SGPP2: variants seen among roughly 807,000 people sequenced by gnomAD.
SGPP2 encodes the protein sphingosine-1-phosphate phosphatase 2, also known as sphingosine 1-phosphate phosphohydrolase 2.
SGPP2 carries 30 observed loss-of-function variants against 33.9 expected under a neutral mutation model. The ratio of observed to expected loss-of-function variants is 0.89; its 90% CI spans 0.66 to 1.20. The LOEUF (loss-of-function observed/expected upper bound fraction) is 1.20. Among genes scored for constraint, SGPP2 ranks in the 50% most tolerant of loss-of-function variants. SGPP2 has a pLI of 0.00. For synonymous variants in SGPP2, 233 were observed against 225.0 expected (o/e 1.04, Z -0.32); for missense variants, 458 against 532.1 (o/e 0.86, Z 1.37).
chr2:222,429,029 T>C (rs1021952161), intron 1 of SGPP2, among the ~76,000 whole-genome samples: 18 of 151,936 alleles, frequency 1.2e-4, no homozygotes, highest in African/African-American at 4.4e-4. Context: ...TGACCTTAGG[T>C]GATGTGCCTG....
At chr2:222,516,442 G>A (rs933936564) in intron 2 of SGPP2, among the ~76,000 whole-genome samples, 1 of 152,140 alleles carries the variant, frequency 6.6e-6, no homozygotes, top group African/African-American at 2.4e-5. Flanking sequence ...AAATTGGGTT[G>A]TTTCCAGTTT....
chr2:222,446,219 G>A lies in SGPP2; in HGVS notation c.219+21398G>A, dbSNP rs557948396. Among the ~76,000 whole-genome samples the A allele has an allele frequency of 8.9e-4, 136 of 152,290 alleles. 1 individual carries two copies. Among genetic ancestry groups the A allele is most frequent in the Non-Finnish European group, 1.5e-3 (104 of 68,028 alleles). The stretch of plus-strand genomic sequence containing the variant: ...TATAGGTAGAAATAATGAGAGATAA[G>A]AGGTGGAGGAGTCATTGGAAGGTGG... On this transcript the variant is annotated intron_variant, in intron 1 of 4. Transcript: ENST00000321276.
intron 1 of SGPP2, among the ~76,000 whole-genome samples, chr2:222,453,370 T>C (rs1174778251): frequency 6.6e-6 from 1 of 152,176 alleles, no homozygotes; most frequent in African/African-American, 2.4e-5. Flanking sequence ...GTTAAGACTT[T>C]TCTGGAAGAT....
intron 1 of SGPP2, among the ~76,000 whole-genome samples, chr2:222,461,051 C>T (rs935866491): frequency 1.6e-4 from 24 of 152,188 alleles, no homozygotes; most frequent in South Asian, 6.2e-4. Flanking sequence ...CCACCACATT[C>T]GGCTGTTTTT....
intron 3 of SGPP2, among the ~76,000 whole-genome samples, chr2:222,524,538 A>T (rs1189394034): frequency 2.6e-5 from 4 of 152,232 alleles, no homozygotes; most frequent in Non-Finnish European, 5.9e-5. Flanking sequence ...TGGGATTTTC[A>T]GATTATAGCC....
At chr2:222,528,082 C>G (rs4255952) in intron 4 of SGPP2, among the ~76,000 whole-genome samples, 48,059 of 151,984 alleles carry the variant, frequency 0.32, 8,273 homozygotes, top group Middle Eastern at 0.49. Context: ...CTGGGCCCCT[C>G]ACAATCTCTA....
intron 1 of SGPP2, among the ~76,000 whole-genome samples, chr2:222,461,920 A>T (rs1183752576): frequency 6.6e-6 from 1 of 152,128 alleles, no homozygotes; most frequent in Non-Finnish European, 1.5e-5. Context: ...CAGCTTGTGT[A>T]CAAACCCCTG....
At chr2:222,531,712 A>G (rs1698841639) in intron 4 of SGPP2, among the ~76,000 whole-genome samples, 1 of 152,134 alleles carries the variant, frequency 6.6e-6, no homozygotes, top group South Asian at 2.1e-4. Flanking sequence ...ATATTAATAG[A>G]TATATGGAGG....
intron 2 of SGPP2, among the ~76,000 whole-genome samples, chr2:222,512,319 T>C (rs1698542074): frequency 6.6e-6 from 1 of 152,116 alleles, no homozygotes; most frequent in Non-Finnish European, 1.5e-5. Context: ...TCTAAACTTT[T>C]ATTTTTTTTA....
At chr2:222,474,778 C>A in intron 2 of SGPP2, 52 bp downstream of exon 2, 1 of 1,427,344 alleles carries the variant, frequency 7.0e-7, no homozygotes, top group South Asian at 1.3e-5. Context: ...ACAACTACTT[C>A]CTTTGATACT....
chr2:222,522,014 T>A (rs1698694455), intron 3 of SGPP2, 68 bp downstream of exon 3: 1 of 1,411,080 alleles, frequency 7.1e-7, no homozygotes, highest in Non-Finnish European at 9.4e-7. Flanking sequence ...ACTTCTGAAT[T>A]TTCTCTTAAA....
intron 1 of SGPP2, among the ~76,000 whole-genome samples, chr2:222,456,313 T>C (rs1697572670): frequency 1.3e-5 from 2 of 152,202 alleles, no homozygotes; most frequent in Non-Finnish European, 2.9e-5. Context: ...AAATTTTGTG[T>C]GATGATGGAC....
intron 4 of SGPP2, among the ~76,000 whole-genome samples, chr2:222,545,964 G>A (rs560222604): frequency 1.3e-3 from 197 of 152,308 alleles, no homozygotes; most frequent in African/African-American, 4.4e-3. Flanking sequence ...TACAGCGACT[G>A]TAGAAGAGCA....
intron 1 of SGPP2, among the ~76,000 whole-genome samples, chr2:222,435,258 A>G (rs1697222560): frequency 6.6e-6 from 1 of 152,068 alleles, no homozygotes; most frequent in African/African-American, 2.4e-5. Flanking sequence ...TAGGCTGGGA[A>G]GTTAGGCCAG....
In SGPP2 at chr2:222,435,024, GTGTGTATATATA is replaced by G. The variant is rs1270538897; in HGVS notation, c.219+10217_219+10228del. Among the ~76,000 whole-genome samples the G allele has an allele frequency of 9.6e-4, 18 of 18,664 alleles. No individual in the cohort carries two copies. The East Asian group carries it at 0.015, about 15-fold the overall frequency. The allele number at this position is 18,664 out of a possible 152,430, so 12.2% of individuals were successfully genotyped here. On this transcript the variant is annotated intron_variant, in intron 1 of 4. Coordinates refer to ENST00000321276, the MANE Select transcript of SGPP2 (RefSeq NM_152386.4). ...CACACACACACACATATGTGTATAT[GTGTGTATATATA>G]TGTGTATATATATACACACATATAC...
At chr2:222,509,971 A>C (rs568802325) in intron 2 of SGPP2, among the ~76,000 whole-genome samples, 30 of 152,334 alleles carry the variant, frequency 2.0e-4, no homozygotes, top group African/African-American at 7.0e-4. Context: ...ATTTCATGTA[A>C]ATGGAATCAT....
chr2:222,435,894 G>A (rs755948138), intron 1 of SGPP2, among the ~76,000 whole-genome samples: 9 of 152,282 alleles, frequency 5.9e-5, no homozygotes, highest in East Asian at 1.9e-4. Context: ...TCAGCAGGTC[G>A]TGGTTTTTTT....
intron 4 of SGPP2, among the ~76,000 whole-genome samples, chr2:222,537,152 C>T (rs1044244430): frequency 5.3e-5 from 8 of 152,056 alleles, no homozygotes; most frequent in Non-Finnish European, 1.2e-4. Flanking sequence ...ATGCTGTTTC[C>T]AAAACCATTT....
At chr2:222,436,201 A>G (rs1697237463) in intron 1 of SGPP2, among the ~76,000 whole-genome samples, 1 of 152,204 alleles carries the variant, frequency 6.6e-6, no homozygotes, top group African/African-American at 2.4e-5. Context: ...TTCCAGTTTA[A>G]TGGAATCATC....
Sources: gnomAD v4.1 joint callset for allele counts (sites outside exome capture counted in the v4.1 genomes callset) on GRCh38, gnomAD v4.1.1 for gene constraint, MANE v1.5 for transcripts, NCBI Gene and HGNC (gene_info 2026-07-23, HGNC 2026-07-21) for gene names.